SPRED2: variants seen among roughly 807,000 people sequenced by gnomAD.
SPRED2 encodes the protein sprouty related EVH1 domain containing 2, also known as sprouty-related, EVH1 domain-containing protein 2.
Under a neutral mutation model 43.0 loss-of-function variants are expected in SPRED2, and 47 were observed. The ratio of observed to expected loss-of-function variants is 1.09; its 90% confidence interval spans 0.87 to 1.40. The LOEUF is 1.40. SPRED2 is among the 40% of genes most tolerant of loss of function. SPRED2 has a pLI of 0.00. For missense variants in SPRED2, 561 were observed against 586.4 expected (o/e 0.96, Z 0.45); for synonymous variants, 225 against 225.7 (o/e 1.00, Z 0.03).
intron 1 of SPRED2, among the ~76,000 whole-genome samples, chr2:65,345,175 G>A (rs552175430): frequency 6.6e-6 from 1 of 151,392 alleles, no homozygotes; most frequent in Non-Finnish European, 1.5e-5. Context: ...GTTTCTAGGT[G>A]TAAGTACTGA....
At chr2:65,324,334 T>A (rs2104165480) in intron 4 of SPRED2, among the ~76,000 whole-genome samples, 1 of 152,320 alleles carries the variant, frequency 6.6e-6, no homozygotes, top group South Asian at 2.1e-4. Context: ...CTTAATGTTA[T>A]GATGGCTTGA....
At chr2:65,361,939 T>G (rs1482550977) in intron 1 of SPRED2, among the ~76,000 whole-genome samples, 2 of 152,082 alleles carry the variant, frequency 1.3e-5, no homozygotes, top group Non-Finnish European at 2.9e-5. Flanking sequence ...ACCCATCTCC[T>G]CCACTGGATG....
At chr2:65,366,624 G>GCCCGA in intron 1 of SPRED2, 1 of 1,553,106 alleles carries the variant, frequency 6.4e-7, no homozygotes, top group South Asian at 1.2e-5. Context: ...ACATTGTGGA[G>GCCCGA]CCCGAGTGCT....
At chr2:65,360,530 A>C (rs1674786135) in intron 1 of SPRED2, among the ~76,000 whole-genome samples, 1 of 152,266 alleles carries the variant, frequency 6.6e-6, no homozygotes, top group African/African-American at 2.4e-5. Flanking sequence ...AACATGGATG[A>C]ATCTTGAGGA....
intron 1 of SPRED2, among the ~76,000 whole-genome samples, chr2:65,382,903 C>T (rs1055623429): frequency 3.9e-5 from 6 of 152,152 alleles, no homozygotes; most frequent in African/African-American, 1.2e-4. Flanking sequence ...TCAGTGGAGT[C>T]ACCTGGATCT....
Position 65,357,916 on chromosome 2 carries a change from G to A in SPRED2, c.27-13020C>T, listed in dbSNP as rs559149306. 3.9e-5 allele frequency among the ~76,000 whole-genome samples: 6 copies of A among 152,286 alleles called. No individual in the cohort carries two copies. The East Asian group carries it at 7.7e-4, about 20-fold the overall frequency. ...GCTTCAGTTTCCTTATGTGTAAAAT[G>A]AGGGGTAGAGACCACAAATGACTTT... is the stretch of plus-strand genomic sequence containing the variant. On this transcript the variant is annotated intron_variant, in intron 1 of 5. Coordinates refer to ENST00000356388, the MANE Select transcript of SPRED2 (RefSeq NM_181784.3).
rs760172422 is a variant in SPRED2 at position 65,344,838 on chromosome 2, C to A, written c.85G>T (p.Gly29Ter). ...VVMTRDDSSG[G>*]WFPQEGGGIS... Reference sequence around the variant, plus strand: ...CCGCCTCCTTCCTGTGGGAACCATCCCCCGCTGGAGTCATCTCTGGTCATA... The same window carrying A: ...CCGCCTCCTTCCTGTGGGAACCATCACCCGCTGGAGTCATCTCTGGTCATA... The change falls in exon 2 of 6, where the codon GGA (glycine) becomes TGA (stop). Residue 29 changes from glycine (G) to a stop codon, truncating the protein, a stop_gained. Transcript: ENST00000356388. LOFTEE classifies it high-confidence loss of function. 2 of 1,614,134 alleles carry A rather than the reference C, an allele frequency of 1.2e-6. No individual in the cohort carries two copies. Among genetic ancestry groups the A allele is most frequent in the Non-Finnish European group, 1.7e-6 (2 of 1,180,026 alleles).
At chr2:65,315,276 G>C (rs1673200294) in intron 5 of SPRED2, among the ~76,000 whole-genome samples, 1 of 150,846 alleles carries the variant, frequency 6.6e-6, no homozygotes, top group Non-Finnish European at 1.5e-5. Context: ...CTAAGACTCA[G>C]GTTCCATTTC....
chr2:65,331,405 T>A (rs1475830932), intron 4 of SPRED2, among the ~76,000 whole-genome samples: 2 of 152,222 alleles, frequency 1.3e-5, no homozygotes, highest in African/African-American at 2.4e-5. Flanking sequence ...AATCATTTTG[T>A]TTCCAGTTAC....
intron 1 of SPRED2, among the ~76,000 whole-genome samples, chr2:65,397,448 C>T (rs1675782472): frequency 6.6e-6 from 1 of 152,138 alleles, no homozygotes; most frequent in African/African-American, 2.4e-5. Flanking sequence ...CCCTACTAAT[C>T]ACTCAAAGCA....
rs181502568 is a variant in SPRED2, at chr2:65,323,798, C to T, written c.439-6915G>A. 2.2e-3 allele frequency among the ~76,000 whole-genome samples: 342 copies of T among 152,100 alleles called. 4 individuals are homozygous for T. The highest frequency in any genetic ancestry group is 0.02 in the Admixed American group (309 of 15,274). On this transcript the variant is annotated intron_variant, in intron 4 of 5. Coordinates refer to ENST00000356388, the MANE Select transcript of SPRED2 (RefSeq NM_181784.3). The stretch of plus-strand genomic sequence containing the variant: ...GGCTGAGGCAGGAGAATGGCGTGAA[C>T]GTGGGAGGAAGAGGTTGCAGTGAGC...
chr2:65,311,076 T>C lies in SPRED2; in HGVS notation c.*2425A>G, dbSNP rs1673055410. ...ATTATGCTTCAGGCACTTTAATTTG[T>C]TAATGTGAGCAAATAGCTTGGGGGG... On this transcript the variant is annotated 3_prime_UTR_variant, in exon 6 of 6. Coordinates refer to ENST00000356388, the MANE Select transcript of SPRED2 (RefSeq NM_181784.3). The C allele has an allele frequency of 1.0e-5, 10 of 985,740 alleles. No individual in the cohort carries two copies. Among genetic ancestry groups the C allele is most frequent in the Non-Finnish European group, 1.2e-5 (10 of 829,854 alleles). 61.1% of individuals were successfully genotyped at this position (985,740 alleles called of 1,614,324 possible).
intron 1 of SPRED2, among the ~76,000 whole-genome samples, chr2:65,400,571 C>G (rs1572894343): frequency 6.6e-6 from 1 of 152,132 alleles, no homozygotes; most frequent in Non-Finnish European, 1.5e-5. Context: ...TTAGTGGTGG[C>G]CCCATGTTCC....
At chr2:65,342,456 A>G (rs1313624484) in intron 2 of SPRED2, among the ~76,000 whole-genome samples, 1 of 149,292 alleles carries the variant, frequency 6.7e-6, no homozygotes, top group Non-Finnish European at 1.5e-5. Context: ...TATATATTAT[A>G]TATGTATGAA....
At chr2:65,320,875 G>A (rs557266035) in intron 4 of SPRED2, among the ~76,000 whole-genome samples, 27 of 152,170 alleles carry the variant, frequency 1.8e-4, no homozygotes, top group Non-Finnish European at 3.2e-4. Flanking sequence ...CCTGGTTTCC[G>A]TGGGCTGCAG....
chr2:65,411,267 G>C (rs375533526), intron 1 of SPRED2, among the ~76,000 whole-genome samples: 1 of 152,180 alleles, frequency 6.6e-6, no homozygotes, highest in Non-Finnish European at 1.5e-5. Flanking sequence ...TCAACAGCAG[G>C]CTCTGATAGC....
chr2:65,360,021 C>T (rs1449431348), intron 1 of SPRED2, among the ~76,000 whole-genome samples: 1 of 134,866 alleles, frequency 7.4e-6, no homozygotes, highest in Non-Finnish European at 1.5e-5. Context: ...GCCAAGGTCG[C>T]GTCACTGCAC....
intron 1 of SPRED2, among the ~76,000 whole-genome samples, chr2:65,404,111 A>C (rs1355001060): frequency 1.3e-5 from 2 of 152,070 alleles, no homozygotes; most frequent in Non-Finnish European, 2.9e-5. Context: ...AGGCTGAGGC[A>C]GGAGAACTCT....
chr2:65,367,483 T>C (rs1675008906), intron 1 of SPRED2, among the ~76,000 whole-genome samples: 1 of 152,196 alleles, frequency 6.6e-6, no homozygotes, highest in Non-Finnish European at 1.5e-5. Context: ...AAAAAAAATT[T>C]TTTTTTCAGT....
Sources: gnomAD v4.1 joint callset for allele counts (sites outside exome capture counted in the v4.1 genomes callset) on GRCh38, gnomAD v4.1.1 for gene constraint, MANE v1.5 for transcripts, NCBI Gene and HGNC (gene_info 2026-07-23, HGNC 2026-07-21) for gene names.